Variants in EXOC6 observed in about 807,000 individuals in gnomAD.
The protein encoded by EXOC6 is exocyst complex component 6.
A neutral mutation model predicts 112.5 loss-of-function variants in EXOC6; 60 were observed. The observed-to-expected ratio is 0.53, with a 90% CI of 0.43 to 0.66. EXOC6 has a LOEUF of 0.66. Ranked by LOEUF, EXOC6 falls within the 30% of genes least tolerant of loss-of-function variation. The pLI is 0.00. For synonymous variants in EXOC6, 295 were observed against 308.0 expected (o/e 0.96, Z 0.44); for missense variants, 855 against 957.1 (o/e 0.89, Z 1.41).
intron 20 of EXOC6, among the ~76,000 whole-genome samples, chr10:93,032,394 CAG>C (rs1440923453): frequency 6.6e-6 from 1 of 152,190 alleles, no homozygotes; most frequent in Non-Finnish European, 1.5e-5. Context: ...GCCTTTACGT[CAG>C]GGGTTCCAAC....
intron 1 of EXOC6, among the ~76,000 whole-genome samples, chr10:92,886,664 C>G (rs1849231761): frequency 6.6e-6 from 1 of 152,228 alleles, no homozygotes; most frequent in African/African-American, 2.4e-5. Flanking sequence ...GACTCAATGT[C>G]TTAATCTTCC....
At chr10:93,042,076 T>C (rs1845805036) in intron 20 of EXOC6, among the ~76,000 whole-genome samples, 1 of 152,250 alleles carries the variant, frequency 6.6e-6, no homozygotes, top group Non-Finnish European at 1.5e-5. Context: ...TATATCCTTT[T>C]ATGATTCAGC....
At chr10:92,970,331 T>A (rs1032627320) in intron 17 of EXOC6, among the ~76,000 whole-genome samples, 4 of 152,260 alleles carry the variant, frequency 2.6e-5, no homozygotes, top group African/African-American at 9.6e-5. Context: ...TGACAACTAT[T>A]TACATAGCAT....
chr10:92,878,568 GC>G (rs1420624117), intron 1 of EXOC6, among the ~76,000 whole-genome samples: 1 of 152,014 alleles, frequency 6.6e-6, no homozygotes, highest in Admixed American at 6.6e-5. Flanking sequence ...GGTGGAGTGC[GC>G]CCCTGGAAGA....
At chr10:92,985,991 A>ATC (rs1253311119) in intron 18 of EXOC6, among the ~76,000 whole-genome samples, 1 of 152,006 alleles carries the variant, frequency 6.6e-6, no homozygotes, top group East Asian at 1.9e-4. Context: ...ATATATATAT[A>ATC]TCCTTAAAAA....
intron 20 of EXOC6, 54 bp downstream of exon 20, chr10:93,014,321 C>T (rs1248450430): frequency 2.1e-6 from 3 of 1,407,294 alleles, no homozygotes; most frequent in African/African-American, 2.9e-5. Flanking sequence ...TTGCCCTCCC[C>T]TCACTTTTTT....
intron 19 of EXOC6, among the ~76,000 whole-genome samples, chr10:93,003,771 C>T (rs1843859831): frequency 6.6e-6 from 1 of 151,830 alleles, no homozygotes; most frequent in South Asian, 2.1e-4. Context: ...ATTCTGTATG[C>T]TGTGGGATTG....
chr10:93,046,173 G>T (rs1330801877), intron 20 of EXOC6, among the ~76,000 whole-genome samples: 1 of 152,158 alleles, frequency 6.6e-6, no homozygotes, highest in African/African-American at 2.4e-5. Flanking sequence ...TAAATGTGAA[G>T]ATACAGATAC....
intron 18 of EXOC6, among the ~76,000 whole-genome samples, chr10:92,993,252 C>A (rs1230700336): frequency 6.6e-6 from 1 of 151,920 alleles, no homozygotes; most frequent in Non-Finnish European, 1.5e-5. Context: ...CTGTGTATTT[C>A]TTTTTACTTA....
intron 20 of EXOC6, among the ~76,000 whole-genome samples, chr10:93,037,965 G>A (rs1462630878): frequency 6.7e-6 from 1 of 149,474 alleles, no homozygotes; most frequent in Non-Finnish European, 1.5e-5. Flanking sequence ...GCGTGAACCC[G>A]GGAGGCGGAG....
Position 92,998,123 on chromosome 10 carries a change from G to A in EXOC6, c.2095+508G>A, listed in dbSNP as rs181580335. 3.3e-3 allele frequency among the ~76,000 whole-genome samples: 495 copies of A among 152,206 alleles called. 1 individual carries two copies. Among genetic ancestry groups the A allele is most frequent in the African/African-American group, 0.011 (476 of 41,534 alleles). ...TATTTTTTTTTAGGTAACAAGGCTAGCAGATTCCATAATCTAATGTTGATG... is the reference window on the plus strand; with the variant it reads ...TATTTTTTTTTAGGTAACAAGGCTAACAGATTCCATAATCTAATGTTGATG... On this transcript the variant is annotated intron_variant, in intron 19 of 21. Transcript: ENST00000260762.
At chr10:92,906,598 T>C (rs1850454465) in intron 5 of EXOC6, among the ~76,000 whole-genome samples, 1 of 152,176 alleles carries the variant, frequency 6.6e-6, no homozygotes, top group Non-Finnish European at 1.5e-5. Context: ...TTTGCTCTAC[T>C]TTGTTTATTT....
intron 20 of EXOC6, among the ~76,000 whole-genome samples, chr10:93,042,572 G>C (rs1331297410): frequency 6.6e-6 from 1 of 152,168 alleles, no homozygotes; most frequent in Non-Finnish European, 1.5e-5. Flanking sequence ...CAGTCAAAAT[G>C]AAAGTAGCTT....
At chr10:92,861,341 G>A (rs1847901925) in intron 1 of EXOC6, among the ~76,000 whole-genome samples, 1 of 152,140 alleles carries the variant, frequency 6.6e-6, no homozygotes, top group South Asian at 2.1e-4. Context: ...GGCAGTCTCT[G>A]GTCTTGGCTT....
At chr10:92,875,849 A>C (rs1848666573) in intron 1 of EXOC6, among the ~76,000 whole-genome samples, 1 of 152,096 alleles carries the variant, frequency 6.6e-6, no homozygotes, top group Non-Finnish European at 1.5e-5. Flanking sequence ...AATATATAGA[A>C]ATTTTCATCC....
intron 19 of EXOC6, among the ~76,000 whole-genome samples, chr10:93,006,950 T>A (rs1050045954): frequency 2.0e-5 from 3 of 152,176 alleles, no homozygotes; most frequent in Non-Finnish European, 4.4e-5. Flanking sequence ...AAGCTTCTGA[T>A]GTATTCCCTC....
At chr10:92,848,701 C>T in intron 1 of EXOC6, 67 bp downstream of exon 1, 2 of 1,182,438 alleles carry the variant, frequency 1.7e-6, no homozygotes, top group South Asian at 2.3e-5. Context: ...ACGAGCCGGG[C>T]GGGGCGTCCG....
At chr10:92,966,998 G>T (rs1383619356) in intron 17 of EXOC6, among the ~76,000 whole-genome samples, 2 of 144,042 alleles carry the variant, frequency 1.4e-5, no homozygotes, top group African/African-American at 5.3e-5. Context: ...GTGTGAGATG[G>T]TATCTCATTG....
chr10:92,902,416 TGC>T (rs1278564398), intron 5 of EXOC6, among the ~76,000 whole-genome samples: 1 of 152,102 alleles, frequency 6.6e-6, no homozygotes, highest in African/African-American at 2.4e-5. Flanking sequence ...TTTGTCTGCT[TGC>T]TCTTTTTTCT....
Sources: allele counts gnomAD v4.1 joint callset (sites outside exome capture counted in the v4.1 genomes callset), GRCh38; gene constraint gnomAD v4.1.1; transcripts MANE v1.5; gene names NCBI Gene and HGNC (gene_info 2026-07-23, HGNC 2026-07-21).